AGBL1: variants seen among roughly 807,000 people sequenced by gnomAD.
AGBL1 encodes AGBL carboxypeptidase 1.
AGBL1 carries 130 observed loss-of-function variants against 118.9 expected under a neutral mutation model. The observed-to-expected ratio is 1.09, with a 90% confidence interval of 0.95 to 1.26. The LOEUF is 1.26. Among genes scored for constraint, AGBL1 ranks in the 50% most tolerant of loss-of-function variants. The probability of loss-of-function intolerance (pLI) is 0.00; values close to 1 mark genes in which losing one functional copy is unlikely to be tolerated. For synonymous variants in AGBL1, 555 were observed against 478.9 expected, an observed-to-expected ratio of 1.16 and a Z score of -2.08; for missense variants, 1,584 against 1,298.1, an observed-to-expected ratio of 1.22 and a Z score of -3.38.
In AGBL1 at chr15:86,468,530, C is replaced by T. The variant is rs1042362952; in HGVS notation, c.2556-54280C>T. 5.3e-5 allele frequency among the ~76,000 whole-genome samples: 8 copies of T among 152,180 alleles called. No individual in the cohort carries two copies. The South Asian group carries it at 6.2e-4, about 12-fold the overall frequency. ...GGAGCTTGGAAACACCTGTTATGGA[C>T]AGACATTGCCGTTCCTCTTCTTCTG... On this transcript the variant is annotated intron_variant, in intron 18 of 22. Coordinates refer to ENST00000614907, the MANE Select transcript of AGBL1 (RefSeq NM_001386094.1).
intron 22 of AGBL1, among the ~76,000 whole-genome samples, chr15:86,805,271 T>A (rs142165444): frequency 6.6e-6 from 1 of 152,238 alleles, no homozygotes; most frequent in East Asian, 1.9e-4. Flanking sequence ...GGCCGAAGTT[T>A]TTTATTAACA....
At chr15:86,183,162 G>A (rs2077576881) in intron 5 of AGBL1, among the ~76,000 whole-genome samples, 1 of 152,116 alleles carries the variant, frequency 6.6e-6, no homozygotes, top group African/African-American at 2.4e-5. Context: ...CCGATCTCTG[G>A]CTATCAGAGA....
intron 21 of AGBL1, among the ~76,000 whole-genome samples, chr15:86,658,655 C>G (rs970844425): frequency 6.6e-6 from 1 of 152,160 alleles, no homozygotes; most frequent in East Asian, 1.9e-4. Context: ...ACATAGGTAT[C>G]AGCAACACTC....
At chr15:86,764,029 G>A (rs184386914) in intron 22 of AGBL1, among the ~76,000 whole-genome samples, 15 of 152,154 alleles carry the variant, frequency 9.9e-5, no homozygotes, top group Admixed American at 2.6e-4. Flanking sequence ...TAGGGAAAGC[G>A]AAGACAGACA....
rs149795551 is a variant in AGBL1, at chr15:86,328,983, T to G, written c.2374+33575T>G. Among the ~76,000 whole-genome samples, 157 of 152,298 alleles carry G rather than the reference T, an allele frequency of 1.0e-3. 1 individual carries two copies. The highest frequency in any genetic ancestry group is 3.7e-3 in the African/African-American group (153 of 41,562). ...ATTAGAGCACCTGCTCTGGAGGGGT[T>G]AGGGACATCCATAGCCAGAACTGTA... On this transcript the variant is annotated intron_variant, in intron 17 of 22. Coordinates refer to ENST00000614907, the MANE Select transcript of AGBL1 (RefSeq NM_001386094.1).
intron 18 of AGBL1, among the ~76,000 whole-genome samples, chr15:86,456,755 C>A (rs920517346): frequency 6.6e-6 from 1 of 152,082 alleles, no homozygotes; most frequent in Non-Finnish European, 1.5e-5. Context: ...AGTTTTGATG[C>A]TTCATTTTAA....
intron 18 of AGBL1, among the ~76,000 whole-genome samples, chr15:86,464,425 C>G (rs1467398348): frequency 6.6e-6 from 1 of 152,112 alleles, no homozygotes; most frequent in Non-Finnish European, 1.5e-5. Context: ...TTTGAATACC[C>G]CTTATTTCTT....
At chr15:86,255,965 G>GGGTACACA (rs1238122860) in intron 7 of AGBL1, among the ~76,000 whole-genome samples, 3 of 152,118 alleles carry the variant, frequency 2.0e-5, no homozygotes, top group Non-Finnish European at 4.4e-5. Flanking sequence ...TGTGTACCTA[G>GGGTACACA]CATCCACCAT....
intron 24 of AGBL1, among the ~76,000 whole-genome samples, chr15:87,022,937 A>C (rs2081681014): frequency 6.6e-6 from 1 of 152,078 alleles, no homozygotes; most frequent in Non-Finnish European, 1.5e-5. Flanking sequence ...CCATGCCACC[A>C]CTACAAGAAC....
intron 15 of AGBL1, among the ~76,000 whole-genome samples, chr15:86,278,050 T>C (rs920801042): frequency 1.8e-4 from 27 of 152,226 alleles, no homozygotes; most frequent in Non-Finnish European, 2.5e-4. Context: ...AGGTAGAGCA[T>C]ATGTAACTTG....
At chr15:86,760,902 A>G (rs937092204) in intron 22 of AGBL1, among the ~76,000 whole-genome samples, 2 of 152,112 alleles carry the variant, frequency 1.3e-5, no homozygotes, top group East Asian at 1.9e-4. Flanking sequence ...TGAAGTGGAC[A>G]GTTCAGTAAA....
At chr15:86,861,693 C>T (rs1295341837) in intron 22 of AGBL1, among the ~76,000 whole-genome samples, 3 of 152,068 alleles carry the variant, frequency 2.0e-5, no homozygotes, top group Non-Finnish European at 4.4e-5. Flanking sequence ...GTGAGGACAC[C>T]AAAAATGTTA....
chr15:86,286,735 G>GTATATATATATA (rs535707426), intron 16 of AGBL1, among the ~76,000 whole-genome samples: 21 of 106,298 alleles, frequency 2.0e-4, no homozygotes, highest in African/African-American at 7.0e-4. Flanking sequence ...GTTTGTGTGT[G>GTATATATATATA]TATATATATA....
chr15:86,759,501 C>T (rs1346759901), intron 22 of AGBL1, among the ~76,000 whole-genome samples: 1 of 152,042 alleles, frequency 6.6e-6, no homozygotes, highest in Admixed American at 6.6e-5. Flanking sequence ...CCCAAATGTT[C>T]TTATATAATT....
chr15:86,763,152 C>T (rs1209737121), intron 22 of AGBL1, among the ~76,000 whole-genome samples: 1 of 151,926 alleles, frequency 6.6e-6, no homozygotes, highest in Non-Finnish European at 1.5e-5. Context: ...CCACTGACCA[C>T]AAGGATGACA....
intron 22 of AGBL1, among the ~76,000 whole-genome samples, chr15:86,779,102 G>T (rs186849416): frequency 4.0e-5 from 6 of 151,690 alleles, no homozygotes; most frequent in African/African-American, 1.5e-4. Context: ...GTCTCCTTTT[G>T]CTCTTTGACT....
At chr15:86,544,259 A>T (rs141072525) in intron 19 of AGBL1, among the ~76,000 whole-genome samples, 1 of 152,138 alleles carries the variant, frequency 6.6e-6, no homozygotes, top group East Asian at 1.9e-4. Context: ...AGCTAGGTCA[A>T]TCGGGATGAC....
intron 23 of AGBL1, among the ~76,000 whole-genome samples, chr15:86,972,213 C>T (rs1289506078): frequency 6.6e-6 from 1 of 152,048 alleles, no homozygotes; most frequent in East Asian, 1.9e-4. Context: ...ATGATTACCA[C>T]TCTGTGAGCC....
chr15:86,789,582 T>A (rs1462317721), intron 22 of AGBL1, among the ~76,000 whole-genome samples: 1 of 152,164 alleles, frequency 6.6e-6, no homozygotes, highest in African/African-American at 2.4e-5. Flanking sequence ...TCCTGGCCAA[T>A]GATCCAGGTC....
Sources: allele counts gnomAD v4.1 joint callset (sites outside exome capture counted in the v4.1 genomes callset), GRCh38; gene constraint gnomAD v4.1.1; transcripts MANE v1.5; gene names NCBI Gene and HGNC (gene_info 2026-07-23, HGNC 2026-07-21).